The following NSUN2 variants were observed in gnomAD, a reference collection of about 807,000 sequenced individuals.
NSUN2 encodes RNA cytosine C(5)-methyltransferase NSUN2.
In NSUN2, 63 loss-of-function variants were observed where a neutral mutation model predicts 92.7. The observed-to-expected ratio is 0.68, with a 90% CI of 0.56 to 0.84. NSUN2 has a LOEUF of 0.84. Among genes scored for constraint, NSUN2 ranks in the 40% least tolerant of loss-of-function variants. NSUN2 has a pLI of 0.00. For synonymous variants in NSUN2, 356 were observed against 348.3 expected, an observed-to-expected ratio of 1.02 and a Z score of -0.25; for missense variants, 989 against 964.9, an observed-to-expected ratio of 1.02 and a Z score of -0.33.
chr5:6,610,914 A>G, intron 11 of NSUN2, 41 bp downstream of exon 11: 1 of 1,610,952 alleles, frequency 6.2e-7, no homozygotes, highest in Non-Finnish European at 8.5e-7. Context: ...ATGGGGCTTA[A>G]CCTTCCCCCC....
intron 3 of NSUN2, 33 bp downstream of exon 3, chr5:6,631,840 T>C (rs754865136): frequency 2.1e-6 from 3 of 1,409,980 alleles, no homozygotes; most frequent in Non-Finnish European, 1.0e-6. Context: ...ATATCCCAAA[T>C]AAATATTCGG....
chr5:6,616,405 A>G (rs1440159487), intron 9 of NSUN2, among the ~76,000 whole-genome samples: 3 of 152,232 alleles, frequency 2.0e-5, no homozygotes, highest in Non-Finnish European at 4.4e-5. Context: ...CCAGTCACGA[A>G]AAGACAAATA....
chr5:6,632,107 G>A, intron 2 of NSUN2, 130 bp from the exon 3 acceptor site: 1 of 700,762 alleles, frequency 1.4e-6, no homozygotes, highest in Non-Finnish European at 2.4e-6. Context: ...ACATTCTTTA[G>A]TCACTACTTT....
At chr5:6,628,889 A>G (rs1232005303) in intron 3 of NSUN2, among the ~76,000 whole-genome samples, 2 of 152,104 alleles carry the variant, frequency 1.3e-5, no homozygotes. Context: ...CAAAAAAATA[A>G]AAAAAATTAG....
At chr5:6,622,571 G>A (rs771195571) in intron 5 of NSUN2, among the ~76,000 whole-genome samples, 5 of 152,176 alleles carry the variant, frequency 3.3e-5, no homozygotes, top group Admixed American at 1.3e-4. Flanking sequence ...AGCAAGGCCA[G>A]GCACAGTGGC....
chr5:6,618,639 ATAATAGCTAAATTTTTCTTAC>A (rs1214349721), intron 7 of NSUN2, among the ~76,000 whole-genome samples: 4 of 152,218 alleles, frequency 2.6e-5, no homozygotes, highest in African/African-American at 9.7e-5. Context: ...TTAAGCTAAT[ATAATAGCTAAATTTTTCTTAC>A]TAATAGCTAA....
chr5:6,605,013 G>T, intron 15 of NSUN2: 2 of 596,222 alleles, frequency 3.4e-6, no homozygotes, highest in Non-Finnish European at 5.9e-6. Context: ...CGAGCTGTGA[G>T]AACTACACCA....
chr5:6,603,782 C>CT, intron 17 of NSUN2: 1 of 199,746 alleles, frequency 5.0e-6, no homozygotes, highest in Non-Finnish European at 1.0e-5. Flanking sequence ...GTCAAGAGCT[C>CT]TGGCTGGGAG....
intron 9 of NSUN2, among the ~76,000 whole-genome samples, chr5:6,613,689 C>T (rs1237460492): frequency 1.3e-5 from 2 of 152,184 alleles, no homozygotes; most frequent in African/African-American, 2.4e-5. Context: ...ATATCATCTG[C>T]TCTATTGGTA....
chr5:6,627,283 G>A (rs905263467), intron 3 of NSUN2, among the ~76,000 whole-genome samples: 2 of 152,132 alleles, frequency 1.3e-5, no homozygotes, highest in African/African-American at 4.8e-5. Flanking sequence ...CTATAGTATT[G>A]GGCAAATATC....
At position 6,599,927 on chromosome 5, in the gene NSUN2, C is replaced by T. The variant is rs761746246; in HGVS notation, c.2303G>A (p.Ter768=). The T allele has an allele frequency of 6.2e-7, 1 of 1,611,966 alleles. No homozygotes were observed. The change falls in exon 19 of 19, where the codon TGA becomes TAA. Residue 768 remains the stop codon, a stop_retained_variant. Coordinates refer to ENST00000264670, the MANE Select transcript of NSUN2 (RefSeq NM_017755.6). Reference sequence around the variant, plus strand: ...GGGCCCCCGCTGCCTTGGGCCTGCTCACCGGGGTGGATGGACCCCCGCCGG... The same window carrying T: ...GGGCCCCCGCTGCCTTGGGCCTGCTTACCGGGGTGGATGGACCCCCGCCGG... ...CDPAGVHPPR[*] is the part of the protein sequence containing the mutation.
intron 7 of NSUN2, among the ~76,000 whole-genome samples, chr5:6,618,571 G>A (rs1227060753): frequency 6.6e-6 from 1 of 151,936 alleles, no homozygotes; most frequent in Non-Finnish European, 1.5e-5. Flanking sequence ...AATCAACAAT[G>A]GCATTTTAAT....
At chr5:6,602,528 C>G in intron 17 of NSUN2, 28 bp from the exon 18 acceptor site, 1 of 1,612,726 alleles carries the variant, frequency 6.2e-7, no homozygotes, top group South Asian at 1.1e-5. Flanking sequence ...ACACATTTGC[C>G]AGGTTTTCCA....
intron 7 of NSUN2, 104 bp from the exon 8 acceptor site, chr5:6,618,128 T>C (rs776450302): frequency 1.4e-6 from 1 of 724,324 alleles, no homozygotes; most frequent in Non-Finnish European, 2.3e-6. Flanking sequence ...GTGTTACAAA[T>C]ATCAGTTAGG....
intron 6 of NSUN2, 173 bp downstream of exon 6, chr5:6,621,843 C>T: frequency 8.5e-6 from 5 of 587,900 alleles, no homozygotes; most frequent in Non-Finnish European, 1.5e-5. Context: ...TGTTTGAGTA[C>T]TACTGACGGT....
intron 9 of NSUN2, among the ~76,000 whole-genome samples, chr5:6,613,182 T>C (rs896927988): frequency 1.3e-5 from 2 of 152,214 alleles, no homozygotes; most frequent in Admixed American, 6.5e-5. Flanking sequence ...AATGAAGTAA[T>C]TCATTTTTGA....
chr5:6,606,171 T>G (rs1736761522), intron 14 of NSUN2, among the ~76,000 whole-genome samples: 1 of 152,278 alleles, frequency 6.6e-6, no homozygotes, highest in Non-Finnish European at 1.5e-5. Flanking sequence ...CATGCTGCTC[T>G]TCATTTCTTC....
chr5:6,625,961 A>G (rs1044026697), intron 3 of NSUN2, among the ~76,000 whole-genome samples: 1 of 152,184 alleles, frequency 6.6e-6, no homozygotes, highest in Non-Finnish European at 1.5e-5. Context: ...ATCAGATGAA[A>G]AAGCGGACAC....
intron 4 of NSUN2, among the ~76,000 whole-genome samples, chr5:6,623,824 A>G (rs1204383031): frequency 6.7e-6 from 1 of 150,096 alleles, no homozygotes; most frequent in Non-Finnish European, 1.5e-5. Context: ...TTAGACCTTC[A>G]ATATCTAAAA....
Sources: gnomAD v4.1 joint callset for allele counts (sites outside exome capture counted in the v4.1 genomes callset) on GRCh38, gnomAD v4.1.1 for gene constraint, MANE v1.5 for transcripts, NCBI Gene and HGNC (gene_info 2026-07-23, HGNC 2026-07-21) for gene names.